Variants in ARMC5 observed in about 807,000 individuals in gnomAD.
ARMC5 encodes armadillo repeat-containing protein 5.
In ARMC5, 28 loss-of-function variants were observed where a neutral mutation model predicts 60.5. The observed-to-expected ratio is 0.46, with a 90% confidence interval of 0.34 to 0.63. The LOEUF (loss-of-function observed/expected upper bound fraction) is 0.63. Among genes scored for constraint, ARMC5 ranks in the 30% least tolerant of loss-of-function variants. The pLI is 0.01. For synonymous variants in ARMC5, 680 were observed against 607.3 expected (o/e 1.12, Z -1.76); for missense variants, 1,189 against 1,304.9 (o/e 0.91, Z 1.37).
In ARMC5 at chr16:31,464,564, C is replaced by T; in HGVS notation, c.1541C>T (p.Ala514Val). 1 of 1,583,940 alleles carries T rather than the reference C, an allele frequency of 6.3e-7. No homozygotes were observed. The change falls in exon 4 of 6, where the codon GCC becomes GTC. Residue 514 changes from alanine (A) to valine (V), a missense_variant. By Grantham distance (64) the Ala-to-Val change is moderately conservative (BLOSUM62 0). Coordinates refer to ENST00000268314, the MANE Select transcript of ARMC5 (RefSeq NM_001105247.2). The surrounding 1 kb of genome is among the most constrained non-coding windows in gnomAD (Gnocchi z 7.6). ...ACTCCGGGCCGCAGCCCCGCCGCCG[C>T]CATCGAGGAGCCTTGGGGACGCGAA... ...QRTPGRSPAA[A>V]IEEPWGREGP... is the part of the protein sequence containing the mutation.
chr16:31,459,296 T>C (rs1313665683), upstream of ARMC5: 3 of 1,534,454 alleles, frequency 2.0e-6, no homozygotes, highest in Non-Finnish European at 2.6e-6. Context: ...GGACCACATC[T>C]CCCTCATGCA....
chr16:31,459,122 GC>G, upstream of ARMC5: 1 of 1,487,982 alleles, frequency 6.7e-7, no homozygotes, highest in Non-Finnish European at 8.9e-7. Flanking sequence ...AGCGAAGCGA[GC>G]CTAGAGGAGA....
rs765010110 is a variant in ARMC5 at position 31,462,290 on chromosome 16, C to T, written c.743C>T (p.Thr248Ile). The change falls in exon 3 of 6, where the codon ACT becomes ATT. Residue 248 changes from threonine (T) to isoleucine (I), a missense_variant. Transcript: ENST00000268314. This position sits in a 1 kb window ranked among gnomAD's most constrained non-coding sequence, Gnocchi z 7.2. ...CGTCCGCTGGCCGAGCTCCTGGCCA[C>T]TGCCCCAGATGCTGCACTGACCTTA... ...AVRPLAELLA[T>I]APDAALTLAL... is the part of the protein sequence containing the mutation. 1.9e-6 allele frequency: 3 copies of T among 1,609,960 alleles called. No homozygotes were observed. Among genetic ancestry groups the T allele is most frequent in the Non-Finnish European group, 2.5e-6 (3 of 1,179,964 alleles).
At chr16:31,461,281 C>G (rs1433305546) in intron 1 of ARMC5, among the ~76,000 whole-genome samples, 2 of 152,098 alleles carry the variant, frequency 1.3e-5, no homozygotes, top group Non-Finnish European at 1.5e-5. Context: ...CAGATTGTAT[C>G]GTGTCACTCC....
At chr16:31,463,751 T>A (rs886512220) in intron 3 of ARMC5, among the ~76,000 whole-genome samples, 43 of 151,954 alleles carry the variant, frequency 2.8e-4, no homozygotes, top group African/African-American at 1.0e-3. Flanking sequence ...ATGACCCCTG[T>A]ACTCTACACT....
chr16:31,464,544 G>T lies in ARMC5; in HGVS notation c.1521G>T (p.Pro507=). ...SLRAPRTQRT[P]GRSPAAAIEE... ...GGGCACCACGCACCCAACGCACTCC[G>T]GGCCGCAGCCCCGCCGCCGCCATCG... The change falls in exon 4 of 6, where the codon CCG becomes CCT. Residue 507 remains proline (P), a synonymous_variant. Transcript: ENST00000268314. The surrounding 1 kb of genome is among the most constrained non-coding windows in gnomAD (Gnocchi z 7.6). 2.5e-6 allele frequency: 4 copies of T among 1,589,174 alleles called. No individual in the cohort carries two copies. The highest frequency in any genetic ancestry group is 3.4e-6 in the Non-Finnish European group (4 of 1,169,316).
At position 31,464,336 on chromosome 16, in the gene ARMC5, A is replaced by T; in HGVS notation, c.1371-58A>T. On this transcript the variant is annotated intron_variant, in intron 3 of 5. Coordinates refer to ENST00000268314, the MANE Select transcript of ARMC5 (RefSeq NM_001105247.2). This position sits in a 1 kb window ranked among gnomAD's most constrained non-coding sequence, Gnocchi z 7.6. ...AAAAAAGACGCCTCACGCCTCTTGGACTCTGCCCCTTAACCTTGGCTCTGG... is the reference window on the plus strand; with the variant it reads ...AAAAAAGACGCCTCACGCCTCTTGGTCTCTGCCCCTTAACCTTGGCTCTGG... 1 of 1,189,764 alleles carries T rather than the reference A, an allele frequency of 8.4e-7. No homozygotes were observed. The highest frequency in any genetic ancestry group is 1.2e-6 in the Non-Finnish European group (1 of 869,456). The allele number at this position is 1,189,764 out of a possible 1,614,324, so 73.7% of individuals were successfully genotyped here. A position where few individuals can be genotyped will look rare whatever the true frequency, so the allele number is the denominator to read the frequency against.
chr16:31,460,071 T>G (rs769010499), intron 1 of ARMC5, 72 bp downstream of exon 1: 2 of 1,486,632 alleles, frequency 1.3e-6, no homozygotes, highest in South Asian at 2.4e-5. Flanking sequence ...CCGGGCAGTC[T>G]GGAGTTCTTT....
In ARMC5 at chr16:31,459,916, T is replaced by A; in HGVS notation, c.392T>A (p.Leu131Ter). 1 of 1,606,320 alleles carries A rather than the reference T, an allele frequency of 6.2e-7. No homozygotes were observed. The highest frequency in any genetic ancestry group is 8.5e-7 in the Non-Finnish European group (1 of 1,179,846). ...GTGCGCCTGCGCAAGACGCTGGACT[T>A]GGCGCTCAGCATCCTAGCCGATTGC... Reference protein sequence around the residue: ...PPVRLRKTLDLALSILADCCT... With the variant: ...PPVRLRKTLD The change falls in exon 1 of 6, where the codon TTG becomes TAG. Residue 131 changes from leucine (L) to a stop codon, truncating the protein, a stop_gained. Coordinates refer to ENST00000268314, the MANE Select transcript of ARMC5 (RefSeq NM_001105247.2). LOFTEE classifies it high-confidence loss of function.
In ARMC5 at chr16:31,464,111, C is replaced by T. The variant is rs750060122; in HGVS notation, c.1371-283C>T. On this transcript the variant is annotated intron_variant, in intron 3 of 5. Coordinates refer to ENST00000268314, the MANE Select transcript of ARMC5 (RefSeq NM_001105247.2). The surrounding 1 kb of genome is among the most constrained non-coding windows in gnomAD (Gnocchi z 7.6). The stretch of plus-strand genomic sequence containing the variant: ...TCCGAGACCAGCCTGGGCAACATAG[C>T]GAGACCCATCTCTACAAAACATTTA... 2.8e-4 allele frequency among the ~76,000 whole-genome samples: 42 copies of T among 151,470 alleles called. No individual in the cohort carries two copies. Among genetic ancestry groups the T allele is most frequent in the Admixed American group, 2.7e-3 (41 of 15,172 alleles).
At chr16:31,463,909 A>T (rs2082326528) in intron 3 of ARMC5, among the ~76,000 whole-genome samples, 1 of 152,124 alleles carries the variant, frequency 6.6e-6, no homozygotes, top group South Asian at 2.1e-4. Context: ...ATCAGTAATT[A>T]CTGAATGAGG....
upstream of ARMC5, chr16:31,458,784 G>T: frequency 6.6e-7 from 1 of 1,508,462 alleles, no homozygotes; most frequent in East Asian, 2.5e-5. Context: ...GCCCCGCCCC[G>T]TCCGGATTCT....
At chr16:31,458,734 C>CT (rs1171969347), upstream of ARMC5, 14 of 1,474,656 alleles carry the variant, frequency 9.5e-6, no homozygotes, top group Non-Finnish European at 1.2e-5. Flanking sequence ...CAGGGGTGAC[C>CT]TGGGGGCTCC....
chr16:31,461,183 A>C lies in ARMC5; in HGVS notation c.476-739A>C, dbSNP rs560223905. On this transcript the variant is annotated intron_variant, in intron 1 of 5. Coordinates refer to ENST00000268314, the MANE Select transcript of ARMC5 (RefSeq NM_001105247.2). The stretch of plus-strand genomic sequence containing the variant: ...GCCAGTAGCTGGGTTGGTTCAAGCT[A>C]TTGTCTTTTCATGCTTGGACTATTA... 3.9e-5 allele frequency among the ~76,000 whole-genome samples: 6 copies of C among 152,010 alleles called. No homozygotes were observed. In the East Asian group the frequency reaches 1.2e-3, roughly 29 times the overall value.
chr16:31,458,741 C>T (rs2082269030), upstream of ARMC5: 1 of 1,475,810 alleles, frequency 6.8e-7, no homozygotes, highest in Admixed American at 2.3e-5. Context: ...GACCTGGGGG[C>T]TCCCCGGGAC....
upstream of ARMC5, chr16:31,458,418 G>A: frequency 6.5e-7 from 1 of 1,535,762 alleles, no homozygotes; most frequent in African/African-American, 1.4e-5. Flanking sequence ...CGGGGCAGGA[G>A]TACGGCTTTT....
Position 31,465,005 on chromosome 16 carries a change from C to A in ARMC5, c.1864+118C>A, listed in dbSNP as rs760737662. The A allele has an allele frequency of 1.9e-6, 3 of 1,611,500 alleles. No homozygotes were observed. The African/African-American group carries it at 4.0e-5, about 22-fold the overall frequency. ...CACCTGTCCTCCCCAGCCCGTCCTC[C>A]AGACAACCTGTCACCAGAGTGGGGT... On this transcript the variant is annotated intron_variant, in intron 4 of 5. Coordinates refer to ENST00000268314, the MANE Select transcript of ARMC5 (RefSeq NM_001105247.2).
intron 1 of ARMC5, among the ~76,000 whole-genome samples, chr16:31,460,959 A>T (rs889052982): frequency 6.6e-6 from 1 of 152,202 alleles, no homozygotes; most frequent in African/African-American, 2.4e-5. Context: ...AACTTTTCGG[A>T]TAAAGGGAAG....
chr16:31,459,012 G>A (rs559274377), upstream of ARMC5: 142 of 1,533,112 alleles, frequency 9.3e-5, no homozygotes, highest in African/African-American at 1.7e-3. Flanking sequence ...GACCGAGCGA[G>A]GGCTCCCCGT....
Sources: allele counts gnomAD v4.1 joint callset (sites outside exome capture counted in the v4.1 genomes callset), GRCh38; gene constraint gnomAD v4.1.1; non-coding constraint Gnocchi (gnomAD v3.1); transcripts MANE v1.5; gene names NCBI Gene and HGNC (gene_info 2026-07-23, HGNC 2026-07-21).